FER: variants seen among roughly 807,000 people sequenced by gnomAD.
FER encodes FER tyrosine kinase, also known as tyrosine-protein kinase Fer.
A neutral mutation model predicts 111.0 loss-of-function variants in FER; 63 were observed. The ratio of observed to expected loss-of-function variants is 0.57; its 90% confidence interval spans 0.46 to 0.70. FER has a LOEUF of 0.70. FER is among the 30% of genes least tolerant of loss of function. The probability of loss-of-function intolerance (pLI) is 0.00; values close to 1 mark genes in which losing one functional copy is unlikely to be tolerated. For synonymous variants in FER, 327 were observed against 313.9 expected, an observed-to-expected ratio of 1.04 and a Z score of -0.44; for missense variants, 914 against 954.0, an observed-to-expected ratio of 0.96 and a Z score of 0.55.
chr5:109,180,560 T>C (rs1256368922), intron 17 of FER, among the ~76,000 whole-genome samples, 187 bp from the exon 18 acceptor site: 1 of 152,198 alleles, frequency 6.6e-6, no homozygotes, highest in Non-Finnish European at 1.5e-5. Flanking sequence ...GCCTACTCCA[T>C]ATGCATATGT....
At chr5:108,914,231 C>CTCTGTG (rs1267381760) in intron 10 of FER, among the ~76,000 whole-genome samples, 3 of 141,140 alleles carry the variant, frequency 2.1e-5, no homozygotes, top group African/African-American at 7.7e-5. Flanking sequence ...ACTTGTCTCT[C>CTCTGTG]TGTGTGTGTG....
rs1309323496 is a variant in FER, at chr5:109,188,884, A to C, written c.*1309A>C. 1.3e-5 allele frequency: 2 copies of C among 152,110 alleles called. No individual in the cohort carries two copies. The highest frequency in any genetic ancestry group is 2.9e-5 in the Non-Finnish European group (2 of 68,028). The allele number at this position is 152,110 out of a possible 1,614,324, so 9.4% of individuals were successfully genotyped here. A position where few individuals can be genotyped will look rare whatever the true frequency, so the allele number is the denominator to read the frequency against. ...AGAGCTGTCAGAATTTCATGATTCT[A>C]GTTCACCAACACATTCACGTGTGTA... On this transcript the variant is annotated 3_prime_UTR_variant, in exon 20 of 20. Coordinates refer to ENST00000281092, the MANE Select transcript of FER (RefSeq NM_005246.4).
intron 8 of FER, among the ~76,000 whole-genome samples, chr5:108,882,124 T>G (rs1202932530): frequency 2.6e-5 from 4 of 152,110 alleles, no homozygotes; most frequent in Non-Finnish European, 1.5e-5. Flanking sequence ...GCAACAAATA[T>G]TTTTGTATGG....
intron 8 of FER, among the ~76,000 whole-genome samples, chr5:108,875,582 C>T (rs1211614609): frequency 6.6e-6 from 1 of 151,888 alleles, no homozygotes; most frequent in Non-Finnish European, 1.5e-5. Flanking sequence ...AAGTAAAGTC[C>T]ATACAATTTT....
At chr5:109,025,262 T>C (rs1431574377) in intron 13 of FER, among the ~76,000 whole-genome samples, 3 of 152,108 alleles carry the variant, frequency 2.0e-5, no homozygotes, top group African/African-American at 7.2e-5. Flanking sequence ...ACATGGAATG[T>C]TCTTCCATTT....
intron 10 of FER, among the ~76,000 whole-genome samples, chr5:108,911,183 T>A (rs974551843): frequency 3.3e-5 from 5 of 152,210 alleles, no homozygotes; most frequent in Admixed American, 2.6e-4. Flanking sequence ...TAAAATGATA[T>A]CTCATTGTGG....
rs1026605887 is a variant in FER at position 109,192,906 on chromosome 5, G to A, written c.*5331G>A. The A allele has an allele frequency of 6.6e-6, 1 of 152,134 alleles. No individual in the cohort carries two copies. The highest frequency in any genetic ancestry group is 1.5e-5 in the Non-Finnish European group (1 of 68,016). 9.4% of individuals were successfully genotyped at this position (152,134 alleles called of 1,614,324 possible). On this transcript the variant is annotated 3_prime_UTR_variant, in exon 20 of 20. Transcript: ENST00000281092. ...AGGAATCTAGAAATCCTAAAGCTTA[G>A]TCAGGGTGCCTAAGGTAAGACACAA...
intron 13 of FER, among the ~76,000 whole-genome samples, chr5:108,980,078 T>C (rs1159076038): frequency 2.0e-5 from 3 of 152,112 alleles, no homozygotes; most frequent in Non-Finnish European, 2.9e-5. Flanking sequence ...TACTGAGTAA[T>C]CAATTGTTTC....
At chr5:108,891,771 C>T (rs1373563974) in intron 9 of FER, among the ~76,000 whole-genome samples, 6 of 151,532 alleles carry the variant, frequency 4.0e-5, no homozygotes, top group African/African-American at 9.7e-5. Context: ...CCCAGTAACT[C>T]GTCATTTAAC....
At chr5:108,957,398 T>C (rs1758566237) in intron 12 of FER, among the ~76,000 whole-genome samples, 1 of 151,398 alleles carries the variant, frequency 6.6e-6, no homozygotes. Context: ...AAAACCACAA[T>C]AAAACATCAT....
In FER at chr5:108,792,238, T is replaced by C. The variant is rs1025646488; in HGVS notation, c.-59-5886T>C. 2.0e-5 allele frequency among the ~76,000 whole-genome samples: 3 copies of C among 152,246 alleles called. No homozygotes were observed. The East Asian group carries it at 5.8e-4, about 29-fold the overall frequency. On this transcript the variant is annotated intron_variant, in intron 2 of 19. Coordinates refer to ENST00000281092, the MANE Select transcript of FER (RefSeq NM_005246.4). ...AAAAAAGCTAGCCGAGATATTAATA[T>C]GGATTGTGTTAAATTTGTAGATCAA... is the stretch of plus-strand genomic sequence containing the variant.
In FER at chr5:109,167,785, G is replaced by A. The variant is rs145647438; in HGVS notation, c.2049-12962G>A. On this transcript the variant is annotated intron_variant, in intron 17 of 19. Coordinates refer to ENST00000281092, the MANE Select transcript of FER (RefSeq NM_005246.4). The stretch of plus-strand genomic sequence containing the variant: ...CCCTATCTGAATGGGAGTGGTCTGA[G>A]GGGGAGGTACTTGTGGACTAGGATT... 5.6e-3 allele frequency among the ~76,000 whole-genome samples: 856 copies of A among 152,210 alleles called. 4 individuals are homozygous for A. Among genetic ancestry groups the A allele is most frequent in the Middle Eastern group, 0.027 (8 of 294 alleles).
chr5:108,793,758 G>T (rs1397958064), intron 2 of FER, among the ~76,000 whole-genome samples: 1 of 150,890 alleles, frequency 6.6e-6, no homozygotes, highest in East Asian at 1.9e-4. Context: ...TTCTTTGTTA[G>T]TATGACTTAA....
chr5:108,823,468 A>G (rs1020472188), intron 3 of FER, among the ~76,000 whole-genome samples: 1 of 152,136 alleles, frequency 6.6e-6, no homozygotes, highest in Non-Finnish European at 1.5e-5. Flanking sequence ...TATAATAGCC[A>G]TCTTAATAGG....
chr5:108,957,746 A>G (rs542607968), intron 12 of FER, among the ~76,000 whole-genome samples: 49 of 151,634 alleles, frequency 3.2e-4, no homozygotes, highest in African/African-American at 1.0e-3. Context: ...TGACAATTGA[A>G]TGTGTGCCAG....
chr5:109,076,461 G>T (rs1776356665), intron 16 of FER, among the ~76,000 whole-genome samples: 1 of 152,006 alleles, frequency 6.6e-6, no homozygotes, highest in African/African-American at 2.4e-5. Flanking sequence ...ACACGGTCTT[G>T]CTCTGTCGCC....
chr5:109,006,991 A>G (rs958536037), intron 13 of FER, among the ~76,000 whole-genome samples: 2 of 152,168 alleles, frequency 1.3e-5, no homozygotes, highest in African/African-American at 2.4e-5. Flanking sequence ...TTAACATGCT[A>G]TGGGACCTGT....
chr5:108,951,263 C>CA (rs1017095535), intron 11 of FER, among the ~76,000 whole-genome samples: 13 of 151,826 alleles, frequency 8.6e-5, no homozygotes, highest in Non-Finnish European at 1.6e-4. Flanking sequence ...GACTCCATCT[C>CA]AAAAAAATAA....
chr5:108,844,959 G>A (rs1761723582), intron 5 of FER, among the ~76,000 whole-genome samples: 1 of 120,528 alleles, frequency 8.3e-6, no homozygotes, highest in African/African-American at 2.9e-5. Flanking sequence ...CAAATAAAAT[G>A]ACATTTTTGG....
Sources: gnomAD v4.1 joint callset for allele counts (sites outside exome capture counted in the v4.1 genomes callset) on GRCh38, gnomAD v4.1.1 for gene constraint, MANE v1.5 for transcripts, NCBI Gene and HGNC (gene_info 2026-07-23, HGNC 2026-07-21) for gene names.